The following DTNA variants were observed in gnomAD, a reference collection of about 807,000 sequenced individuals.
The protein encoded by DTNA is dystrophin-related protein 3.
Under a neutral mutation model 100.7 loss-of-function variants are expected in DTNA, and 43 were observed. The ratio of observed to expected loss-of-function variants is 0.43; its 90% CI spans 0.33 to 0.55. The LOEUF (loss-of-function observed/expected upper bound fraction) is 0.55. DTNA is among the 20% of genes least tolerant of loss of function. DTNA has a pLI of 0.04. For missense variants in DTNA, 798 were observed against 953.9 expected, an observed-to-expected ratio of 0.84 and a Z score of 2.15; for synonymous variants, 349 against 347.9, an observed-to-expected ratio of 1.00 and a Z score of -0.04.
At chr18:34,716,591 G>T (rs894865804) in intron 1 of DTNA, among the ~76,000 whole-genome samples, 1 of 152,022 alleles carries the variant, frequency 6.6e-6, no homozygotes, top group Non-Finnish European at 1.5e-5. Flanking sequence ...AAAAAAAGCT[G>T]CAAGAAGTCA....
intron 1 of DTNA, among the ~76,000 whole-genome samples, chr18:34,747,235 T>C (rs796710304): frequency 6.6e-6 from 1 of 152,114 alleles, no homozygotes; most frequent in African/African-American, 2.4e-5. Context: ...AGCATAAGAA[T>C]TCCAACCTAA....
At chr18:34,810,121 G>A (rs1218707881) in intron 5 of DTNA, among the ~76,000 whole-genome samples, 9 of 152,162 alleles carry the variant, frequency 5.9e-5, no homozygotes, top group Non-Finnish European at 5.9e-5. Context: ...AATGCTGTAA[G>A]CCTGGTATGT....
At chr18:34,687,453 G>A (rs145578378) in intron 1 of DTNA, among the ~76,000 whole-genome samples, 5,133 of 152,248 alleles carry the variant, frequency 0.034, 267 homozygotes, top group African/African-American at 0.11. Context: ...GTGCAGTTTT[G>A]AGTGAGTTTC....
At chr18:34,876,268 T>C (rs2096816838) in intron 18 of DTNA, among the ~76,000 whole-genome samples, 1 of 152,246 alleles carries the variant, frequency 6.6e-6, no homozygotes, top group Non-Finnish European at 1.5e-5. Flanking sequence ...ATTAACATTC[T>C]TCGAAGTCTT....
At chr18:34,784,463 C>G (rs1445219848) in intron 3 of DTNA, among the ~76,000 whole-genome samples, 1 of 152,168 alleles carries the variant, frequency 6.6e-6, no homozygotes, top group African/African-American at 2.4e-5. Context: ...CTGGAATATC[C>G]TTCCCTCCTT....
intron 1 of DTNA, among the ~76,000 whole-genome samples, chr18:34,583,670 G>C (rs1222685082): frequency 6.6e-6 from 1 of 151,806 alleles, no homozygotes; most frequent in African/African-American, 2.4e-5. Flanking sequence ...GGTGTCTGCA[G>C]AGGAGATGCC....
At chr18:34,519,934 CT>C (rs978934017) in intron 1 of DTNA, among the ~76,000 whole-genome samples, 3 of 152,156 alleles carry the variant, frequency 2.0e-5, no homozygotes, top group African/African-American at 4.8e-5. Flanking sequence ...TTTTCATATT[CT>C]TTCTGAAATA....
At chr18:34,832,711 A>G (rs1359449185) in intron 11 of DTNA, among the ~76,000 whole-genome samples, 1 of 152,212 alleles carries the variant, frequency 6.6e-6, no homozygotes. Flanking sequence ...ATTTTTTAAT[A>G]CTGGTCTATG....
At chr18:34,527,547 A>C (rs948492789) in intron 1 of DTNA, among the ~76,000 whole-genome samples, 5 of 152,084 alleles carry the variant, frequency 3.3e-5, no homozygotes, top group African/African-American at 1.2e-4. Flanking sequence ...TGGCAAAACA[A>C]ATCTGTATTT....
At chr18:34,613,797 A>T (rs1302064466) in intron 1 of DTNA, among the ~76,000 whole-genome samples, 1 of 152,244 alleles carries the variant, frequency 6.6e-6, no homozygotes, top group Non-Finnish European at 1.5e-5. Flanking sequence ...ACGTAACAGA[A>T]CAAGGTGAAG....
Position 34,617,841 on chromosome 18 carries a change from C to T in DTNA, c.-2+124327C>T, listed in dbSNP as rs148960747. 3.3e-3 allele frequency among the ~76,000 whole-genome samples: 496 copies of T among 152,274 alleles called. 7 individuals carry two copies. Among genetic ancestry groups the T allele is most frequent in the Admixed American group, 0.026 (403 of 15,284 alleles). ...ATAATGTAAACATAACTTTTGTGTG[C>T]ACTGGGAAGCCAGAAACTTTGTGTG... On this transcript the variant is annotated intron_variant, in intron 1 of 19. Transcript: ENST00000283365.
At chr18:34,625,937 A>G (rs144183431) in intron 1 of DTNA, among the ~76,000 whole-genome samples, 1 of 152,320 alleles carries the variant, frequency 6.6e-6, no homozygotes, top group East Asian at 1.9e-4. Context: ...ACCTTGGAAG[A>G]ACTAATTGGT....
chr18:34,629,353 A>C (rs2148059746), intron 1 of DTNA, among the ~76,000 whole-genome samples: 1 of 152,340 alleles, frequency 6.6e-6, no homozygotes, highest in South Asian at 2.1e-4. Flanking sequence ...TTCCATAAGT[A>C]ACTGTACAAA....
At chr18:34,886,283 G>A (rs570639452) in intron 22 of DTNA, among the ~76,000 whole-genome samples, 2 of 152,310 alleles carry the variant, frequency 1.3e-5, no homozygotes, top group South Asian at 2.1e-4. Context: ...TTTTATGAGC[G>A]AAGAGGAAGG....
intron 1 of DTNA, among the ~76,000 whole-genome samples, chr18:34,522,188 G>A (rs915465111): frequency 2.6e-5 from 4 of 152,098 alleles, no homozygotes; most frequent in Non-Finnish European, 4.4e-5. Context: ...AAAGAACGGA[G>A]CCATGCCTAG....
At chr18:34,681,148 T>TA (rs2078047005) in intron 1 of DTNA, among the ~76,000 whole-genome samples, 1 of 152,192 alleles carries the variant, frequency 6.6e-6, no homozygotes, top group South Asian at 2.1e-4. Context: ...TTCCTTGTAT[T>TA]AAAGTTCATC....
intron 1 of DTNA, among the ~76,000 whole-genome samples, chr18:34,688,681 G>A (rs1198331980): frequency 1.3e-5 from 2 of 152,102 alleles, no homozygotes; most frequent in African/African-American, 4.8e-5. Flanking sequence ...GAATTTAAAT[G>A]TTGGCCTGTC....
chr18:34,884,426 CT>C (rs924220742), intron 21 of DTNA, among the ~76,000 whole-genome samples: 22 of 152,204 alleles, frequency 1.4e-4, no homozygotes, highest in African/African-American at 4.8e-4. Flanking sequence ...CTCCCTCTCC[CT>C]CTCCTTTCTT....
intron 1 of DTNA, among the ~76,000 whole-genome samples, chr18:34,518,584 A>G (rs1411916253): frequency 6.6e-6 from 1 of 151,506 alleles, no homozygotes; most frequent in African/African-American, 2.4e-5. Flanking sequence ...ATTTGGAGTT[A>G]ATTTTTGTAT....
Sources: allele counts gnomAD v4.1 joint callset (sites outside exome capture counted in the v4.1 genomes callset), GRCh38; gene constraint gnomAD v4.1.1; transcripts MANE v1.5; gene names NCBI Gene and HGNC (gene_info 2026-07-23, HGNC 2026-07-21).